Variants in EPB41L4A observed in about 807,000 individuals in gnomAD.
EPB41L4A encodes erythrocyte membrane protein band 4.1 like 4A.
In EPB41L4A, 100 loss-of-function variants were observed where a neutral mutation model predicts 108.6. The observed-to-expected ratio is 0.92, with a 90% confidence interval of 0.78 to 1.09. EPB41L4A has a LOEUF of 1.09. EPB41L4A is among the 50% of genes least tolerant of loss of function. The pLI is 0.00. For missense variants in EPB41L4A, 1,030 were observed against 842.7 expected (o/e 1.22, Z -2.75); for synonymous variants, 319 against 289.0 (o/e 1.10, Z -1.05).
At chr5:112,243,215 G>A (rs779257190) in intron 9 of EPB41L4A, among the ~76,000 whole-genome samples, 6 of 143,272 alleles carry the variant, frequency 4.2e-5, no homozygotes, top group African/African-American at 8.8e-5. Context: ...ACTCTGTCTC[G>A]AAAATATATA....
rs75508009 is a variant in EPB41L4A, at chr5:112,184,061, T to G, written c.1577A>C (p.Asn526Thr). ...TCGCCTGTTGTTGGGGTCGGCTTGGTTTTTTTCCTTTTGTCTCCTTAATAC... is the reference window on the plus strand; with the variant it reads ...TCGCCTGTTGTTGGGGTCGGCTTGGGTTTTTTCCTTTTGTCTCCTTAATAC... Reference protein sequence around the residue: ...EAVLRRQKEKNQADPNNRRSR... With the variant: ...EAVLRRQKEKTQADPNNRRSR... Residue 526 changes from asparagine to threonine, a missense_variant, in exon 18 of 23, where the codon AAC becomes ACC. Coordinates refer to ENST00000261486, the MANE Select transcript of EPB41L4A (RefSeq NM_022140.5). 1 of 1,612,586 alleles carries G rather than the reference T, an allele frequency of 6.2e-7. No individual in the cohort carries two copies.
chr5:112,173,616 T>C (rs1281663323), intron 18 of EPB41L4A: 3 of 150,790 alleles, frequency 2.0e-5, no homozygotes, highest in Non-Finnish European at 2.9e-5. Context: ...TTCATTCCCA[T>C]CTCAGAAGAA....
chr5:112,230,843 G>A (rs1485608135), intron 12 of EPB41L4A, among the ~76,000 whole-genome samples: 1 of 152,158 alleles, frequency 6.6e-6, no homozygotes, highest in Non-Finnish European at 1.5e-5. Context: ...ATCTTCTAGA[G>A]TTTTTATGGT....
At chr5:112,147,629 C>G (rs1218216435) in intron 12 of EPB41L4A, among the ~76,000 whole-genome samples, 1 of 136,116 alleles carries the variant, frequency 7.3e-6, no homozygotes, top group East Asian at 2.2e-4. Flanking sequence ...CAGAACGAGA[C>G]TCTGTCTCAA....
chr5:112,161,757 G>A (rs766312047), downstream of EPB41L4A: 5 of 406,030 alleles, frequency 1.2e-5, no homozygotes, highest in Non-Finnish European at 2.5e-5. Context: ...CCATCTGGGA[G>A]CATAAAGGTG....
At chr5:112,173,741 T>A in intron 18 of EPB41L4A, 1 of 152,126 alleles carries the variant, frequency 6.6e-6, no homozygotes, top group Admixed American at 6.5e-5. Context: ...CCTCCTGGAT[T>A]CAAGCGATTC....
Position 112,195,652 on chromosome 5 carries a change from T to C in EPB41L4A, c.1424+9A>G, listed in dbSNP as rs1482322833. 1.2e-6 allele frequency: 2 copies of C among 1,611,750 alleles called. No homozygotes were observed. Among genetic ancestry groups the C allele is most frequent in the Non-Finnish European group, 1.7e-6 (2 of 1,178,002 alleles). ...CCCTCTGACTGTCCTTCCATTTTTG[T>C]TTTTTTACCTCCTCCTTTGCTTAAG... On this transcript the variant is annotated intron_variant, in intron 16 of 22. Transcript: ENST00000261486.
chr5:112,280,318 C>A lies in EPB41L4A; in HGVS notation c.210G>T (p.Trp70Cys), dbSNP rs763392157. 1.2e-6 allele frequency: 2 copies of A among 1,613,616 alleles called. No homozygotes were observed. Among genetic ancestry groups the A allele is most frequent in the Non-Finnish European group, 1.7e-6 (2 of 1,179,704 alleles). The part of the protein sequence containing the change: ...RYCDRSHQTY[W>C]LDPAKTLAEH... The stretch of plus-strand genomic sequence containing the variant: ...CAGCAAGGGTTTTTGCAGGATCCAG[C>A]CAATACTGTGTGAGGAAGAAAAGGA... The change falls in exon 3 of 23, where the codon TGG becomes TGT. Residue 70 changes from tryptophan to cysteine, a missense_variant. Transcript: ENST00000261486.
At chr5:112,346,402 T>G (rs2150716954) in intron 1 of EPB41L4A, among the ~76,000 whole-genome samples, 1 of 151,914 alleles carries the variant, frequency 6.6e-6, no homozygotes, top group East Asian at 1.9e-4. Context: ...TTTTGTATTT[T>G]TAGTAGAGAT....
chr5:112,414,942 T>A (rs957236882), intron 1 of EPB41L4A, among the ~76,000 whole-genome samples: 2 of 152,194 alleles, frequency 1.3e-5, no homozygotes, highest in African/African-American at 4.8e-5. Context: ...TACGTTTGTG[T>A]GTGATTACTT....
At position 112,266,312 on chromosome 5, in the gene EPB41L4A, C is replaced by T; in HGVS notation, c.354G>A (p.Gln118=). 6.2e-7 allele frequency: 1 copy of T among 1,603,634 alleles called. No individual in the cohort carries two copies. The highest frequency in any genetic ancestry group is 1.1e-5 in the South Asian group (1 of 88,600). ...EEITRYQFFL[Q]VKQDVLQGRL... ...GGCCCTGAAGGACATCTTGCTTCAC[C>T]TGCAAGAAAAACTGATATCTAAAAG... The change falls in exon 5 of 23, where the codon CAG becomes CAA. Residue 118 remains glutamine (Q), a synonymous_variant. Transcript: ENST00000261486.
At chr5:112,266,517 G>C (rs1421324068) in intron 4 of EPB41L4A, among the ~76,000 whole-genome samples, 187 bp from the exon 5 acceptor site, 1 of 152,114 alleles carries the variant, frequency 6.6e-6, no homozygotes, top group African/African-American at 2.4e-5. Flanking sequence ...GGCAATACAC[G>C]GTTGTCGCTA....
chr5:112,370,202 T>TC (rs942362157), intron 1 of EPB41L4A, among the ~76,000 whole-genome samples: 2 of 151,716 alleles, frequency 1.3e-5, no homozygotes, highest in Non-Finnish European at 2.9e-5. Flanking sequence ...TTTTTTTTTT[T>TC]TTTTTTTTAC....
intron 1 of EPB41L4A, among the ~76,000 whole-genome samples, chr5:112,406,306 A>T (rs1762067387): frequency 6.6e-6 from 1 of 152,194 alleles, no homozygotes; most frequent in Admixed American, 6.5e-5. Flanking sequence ...GGCAATAAGA[A>T]GAGTCACTGA....
chr5:112,201,585 CTAAT>C lies in EPB41L4A; in HGVS notation c.1376+2786_1376+2789del, dbSNP rs375244935. Among the ~76,000 whole-genome samples, 29 of 152,218 alleles carry C rather than the reference CTAAT, an allele frequency of 1.9e-4. 1 individual carries two copies. The highest frequency in any genetic ancestry group is 9.7e-4 in the East Asian group (5 of 5,180). On this transcript the variant is annotated intron_variant, in intron 15 of 22. Transcript: ENST00000261486. ...ATATAGGGAGTGCTGACAAATTGCACTAATTAATTAAGGGTAGAAAACTATAAAA... is the reference window on the plus strand; with the variant it reads ...ATATAGGGAGTGCTGACAAATTGCACTAATTAAGGGTAGAAAACTATAAAA...
At chr5:112,220,984 C>A (rs566964687) in intron 12 of EPB41L4A, among the ~76,000 whole-genome samples, 124 of 152,316 alleles carry the variant, frequency 8.1e-4, no homozygotes, top group Non-Finnish European at 1.4e-3. Flanking sequence ...ATACACATAT[C>A]TCATTTCTTT....
chr5:112,373,795 A>G (rs1463711339), intron 1 of EPB41L4A, among the ~76,000 whole-genome samples: 1 of 152,246 alleles, frequency 6.6e-6, no homozygotes, highest in African/African-American at 2.4e-5. Context: ...AACATCAGAA[A>G]GGTCCAAGAC....
intron 1 of EPB41L4A, among the ~76,000 whole-genome samples, chr5:112,321,103 G>A (rs914185254): frequency 3.3e-5 from 5 of 152,018 alleles, no homozygotes; most frequent in Non-Finnish European, 5.9e-5. Context: ...ATTATGAGCC[G>A]GTTTACATCA....
chr5:112,333,483 C>G (rs1316369033), intron 1 of EPB41L4A, among the ~76,000 whole-genome samples: 1 of 152,178 alleles, frequency 6.6e-6, no homozygotes, highest in Non-Finnish European at 1.5e-5. Context: ...ATTAAGTAAA[C>G]ACACATATTG....
Sources: gnomAD v4.1 joint callset for allele counts (sites outside exome capture counted in the v4.1 genomes callset) on GRCh38, gnomAD v4.1.1 for gene constraint, MANE v1.5 for transcripts, NCBI Gene and HGNC (gene_info 2026-07-23, HGNC 2026-07-21) for gene names.